Variants in RAB20 observed in about 807,000 individuals in gnomAD.
RAB20 encodes the protein RAB20, member RAS oncogene family, also known as ras-related protein Rab-20.
A neutral mutation model predicts 3.7 loss-of-function variants in RAB20; 2 were observed. The ratio of observed to expected loss-of-function variants is 0.54; its 90% CI spans 0.22 to 1.69. The LOEUF (loss-of-function observed/expected upper bound fraction) is 1.69. Ranked by LOEUF, RAB20 falls within the 40% of genes most tolerant of loss-of-function variation. RAB20 has a pLI of 0.19. For missense variants in RAB20, 276 were observed against 311.9 expected (o/e 0.88, Z 0.87); for synonymous variants, 126 against 130.8 (o/e 0.96, Z 0.25).
chr13:110,539,571 T>G (rs2139581473), intron 1 of RAB20, among the ~76,000 whole-genome samples: 1 of 151,190 alleles, frequency 6.6e-6, no homozygotes. Flanking sequence ...TTTGTTTTTT[T>G]TTTTTGAGAT....
intron 1 of RAB20, among the ~76,000 whole-genome samples, chr13:110,542,682 G>A (rs1402003802): frequency 2.6e-5 from 4 of 152,084 alleles, no homozygotes; most frequent in African/African-American, 7.2e-5. Flanking sequence ...AATACTCCAC[G>A]GTGTATATTT....
At chr13:110,526,754 G>A (rs368775049) in intron 1 of RAB20, among the ~76,000 whole-genome samples, 25 of 152,304 alleles carry the variant, frequency 1.6e-4, no homozygotes, top group African/African-American at 5.8e-4. Flanking sequence ...GCTTCCATCC[G>A]CATGCCAGAT....
At chr13:110,548,030 C>A (rs1049170042) in intron 1 of RAB20, among the ~76,000 whole-genome samples, 1 of 152,154 alleles carries the variant, frequency 6.6e-6, no homozygotes, top group African/African-American at 2.4e-5. Flanking sequence ...ACTCCTTATG[C>A]CGTCAAGGCT....
In RAB20 at chr13:110,561,637, A is replaced by C. The variant is rs1308520015; in HGVS notation, c.-118T>G. On this transcript the variant is annotated 5_prime_UTR_variant, in exon 1 of 2. Transcript: ENST00000267328. ...CTCGCCGGGACCCGGATTCTCGTGA[A>C]CGCTCCGGGACCTTCGCCTCCGGAC... The C allele has an allele frequency of 2.1e-6, 3 of 1,429,922 alleles. No individual in the cohort carries two copies. The East Asian group carries it at 8.4e-5, about 40-fold the overall frequency. The allele number at this position is 1,429,922 out of a possible 1,614,324, so 88.6% of individuals were successfully genotyped here.
intron 1 of RAB20, among the ~76,000 whole-genome samples, chr13:110,528,724 G>A (rs1327978758): frequency 6.6e-6 from 1 of 152,038 alleles, no homozygotes. Context: ...TTCCATTCCA[G>A]ATAAAAATGC....
At chr13:110,540,539 T>C (rs1393058902) in intron 1 of RAB20, among the ~76,000 whole-genome samples, 1 of 152,130 alleles carries the variant, frequency 6.6e-6, no homozygotes, top group Non-Finnish European at 1.5e-5. Flanking sequence ...GGTCAGGAGT[T>C]CGAGACCAGC....
chr13:110,523,935 T>C lies in RAB20; in HGVS notation c.435A>G (p.Ala145=). Residue 145 remains alanine, a synonymous_variant, in exon 2 of 2, where the codon GCA becomes GCG. Coordinates refer to ENST00000267328, the MANE Select transcript of RAB20 (RefSeq NM_017817.3). The part of the protein sequence containing the change: ...MDAGDRVSPR[A]PKQVQLEDAV... ...CATCCTCCAGCTGCACCTGCTTAGG[T>C]GCCCTTGGGGAGACACGGTCCCCAG... The C allele has an allele frequency of 6.2e-7, 1 of 1,614,186 alleles. No homozygotes were observed. The highest frequency in any genetic ancestry group is 8.5e-7 in the Non-Finnish European group (1 of 1,180,038).
chr13:110,525,680 G>C (rs1427090194), intron 1 of RAB20, among the ~76,000 whole-genome samples: 1 of 152,242 alleles, frequency 6.6e-6, no homozygotes, highest in East Asian at 1.9e-4. Context: ...GCACGCAGCA[G>C]GTGAGAGCCC....
At chr13:110,541,837 C>CACACACAT (rs1418444303) in intron 1 of RAB20, among the ~76,000 whole-genome samples, 1 of 151,584 alleles carries the variant, frequency 6.6e-6, no homozygotes, top group Non-Finnish European at 1.5e-5. Flanking sequence ...CACACACACA[C>CACACACAT]ACACTCTCAC....
chr13:110,548,995 G>A (rs900693210), intron 1 of RAB20, among the ~76,000 whole-genome samples: 1 of 152,210 alleles, frequency 6.6e-6, no homozygotes, highest in African/African-American at 2.4e-5. Flanking sequence ...GCCTGAACAT[G>A]TGTGTGATGA....
intron 1 of RAB20, among the ~76,000 whole-genome samples, chr13:110,548,681 C>T (rs896507682): frequency 2.6e-5 from 4 of 151,894 alleles, no homozygotes; most frequent in African/African-American, 4.8e-5. Flanking sequence ...CAGGCTCCAT[C>T]GTAGCCTCTT....
At chr13:110,525,688 C>T (rs1017630658) in intron 1 of RAB20, among the ~76,000 whole-genome samples, 9 of 152,254 alleles carry the variant, frequency 5.9e-5, no homozygotes, top group African/African-American at 1.9e-4. Flanking sequence ...CAGGTGAGAG[C>T]CCCCAGCAGG....
intron 1 of RAB20, among the ~76,000 whole-genome samples, chr13:110,557,651 T>C (rs1353561513): frequency 6.6e-6 from 1 of 152,180 alleles, no homozygotes; most frequent in African/African-American, 2.4e-5. Flanking sequence ...ACTCACTCTC[T>C]CCAACACCCA....
chr13:110,532,810 C>G (rs1349428597), intron 1 of RAB20, among the ~76,000 whole-genome samples: 1 of 152,188 alleles, frequency 6.6e-6, no homozygotes, highest in Non-Finnish European at 1.5e-5. Context: ...TCCCGAGTAG[C>G]TGGGACCACA....
At chr13:110,526,271 C>T (rs1253652879) in intron 1 of RAB20, among the ~76,000 whole-genome samples, 1 of 152,236 alleles carries the variant, frequency 6.6e-6, no homozygotes, top group East Asian at 1.9e-4. Flanking sequence ...TGCTGGGGCA[C>T]TGGCGCAGAG....
At chr13:110,561,319 C>A (rs746963343) in intron 1 of RAB20, 29 bp downstream of exon 1, 2 of 1,560,992 alleles carry the variant, frequency 1.3e-6, no homozygotes, top group East Asian at 2.5e-5. Flanking sequence ...AGCCCCAGGG[C>A]GGTGTGGCTC....
intron 1 of RAB20, among the ~76,000 whole-genome samples, chr13:110,550,137 G>A (rs1884927235): frequency 6.6e-6 from 1 of 152,130 alleles, no homozygotes; most frequent in Non-Finnish European, 1.5e-5. Context: ...CCGAGCACAT[G>A]GAGGCCAACA....
At chr13:110,532,747 T>C (rs1319448382) in intron 1 of RAB20, among the ~76,000 whole-genome samples, 21 of 152,186 alleles carry the variant, frequency 1.4e-4, no homozygotes, top group Admixed American at 1.4e-3. Context: ...GGTACGATCA[T>C]GGCTCAATGC....
chr13:110,545,505 C>T (rs536937774), intron 1 of RAB20, among the ~76,000 whole-genome samples: 33 of 152,304 alleles, frequency 2.2e-4, no homozygotes, highest in Admixed American at 4.6e-4. Context: ...CACTTGCCCA[C>T]GCTTAGCAGA....
Sources: gnomAD v4.1 joint callset for allele counts (sites outside exome capture counted in the v4.1 genomes callset) on GRCh38, gnomAD v4.1.1 for gene constraint, MANE v1.5 for transcripts, NCBI Gene and HGNC (gene_info 2026-07-23, HGNC 2026-07-21) for gene names.